The following SRPK3 variants were observed in gnomAD, a reference collection of about 807,000 sequenced individuals.
The protein encoded by SRPK3 is SFRS protein kinase 3.
A neutral mutation model predicts 45.3 loss-of-function variants in SRPK3; 26 were observed. The observed-to-expected ratio is 0.57, with a 90% CI of 0.42 to 0.80. The LOEUF (loss-of-function observed/expected upper bound fraction) is 0.80, where lower values mean the gene tolerates loss of function less well. SRPK3 is among the 30% of genes least tolerant of loss of function. SRPK3 has a pLI of 0.00. For missense variants in SRPK3, 536 were observed against 514.5 expected (o/e 1.04, Z -0.40); for synonymous variants, 254 against 226.6 (o/e 1.12, Z -1.09).
intron 5 of SRPK3, 67 bp from the exon 6 acceptor site, chrX:153,782,704 CT>C (rs1557067300): frequency 9.3e-7 from 1 of 1,073,311 alleles, no homozygotes; most frequent in Non-Finnish European, 1.3e-6. Flanking sequence ...TGCTGCTCCC[CT>C]AGCTGAGGGT....
Position 153,784,373 on chromosome X carries a change from C to T in SRPK3, c.1227C>T (p.Asp409=). 4 of 1,210,058 alleles carry T rather than the reference C, an allele frequency of 3.3e-6. No homozygotes were observed. The highest frequency in any genetic ancestry group is 3.0e-5 in the East Asian group (1 of 33,770). Residue 409 remains aspartate (D), a synonymous_variant, in exon 11 of 15, where the codon GAC becomes GAT. Coordinates refer to ENST00000370101, the MANE Select transcript of SRPK3 (RefSeq NM_014370.4). ...ATAAGATCAAGATCAAGATCGCAGA[C>T]CTGGGCAACGCCTGCTGGGTGGTAT... is the stretch of plus-strand genomic sequence containing the variant. ...NADKIKIKIA[D]LGNACWVHKH... is the part of the protein sequence containing the mutation.
At chrX:153,782,265 G>A (rs1483082994) in intron 5 of SRPK3, 57 bp downstream of exon 5, 12 of 1,019,215 alleles carry the variant, frequency 1.2e-5, no homozygotes, top group Admixed American at 2.2e-5. Flanking sequence ...CAAATGGGGG[G>A]GCCCTCGCTG....
Position 153,781,542 on chromosome X carries a change from T to C in SRPK3, c.228T>C (p.Asn76=), listed in dbSNP as rs782443471. 3 of 1,209,235 alleles carry C rather than the reference T, an allele frequency of 2.5e-6. No individual in the cohort carries two copies. Among genetic ancestry groups the C allele is most frequent in the South Asian group, 1.8e-5 (1 of 56,849 alleles). The change falls in exon 3 of 15, where the codon AAT becomes AAC. Residue 76 remains asparagine (N), a synonymous_variant. Transcript: ENST00000370101. ...YHPVKIGDVF[N]GRYHVVRKLG... The stretch of plus-strand genomic sequence containing the variant: ...CTGTGAAGATCGGCGACGTGTTCAA[T>C]GGGCGGTACCACGTGGTGCGCAAAC...
intron 5 of SRPK3, among the ~76,000 whole-genome samples, 156 bp from the exon 6 acceptor site, chrX:153,782,616 G>A (rs995766561): frequency 4.4e-4 from 50 of 113,325 alleles, no homozygotes; most frequent in African/African-American, 1.6e-3. Context: ...GGACACTATC[G>A]ATGATGACAC....
chrX:153,783,872 A>C lies in SRPK3; in HGVS notation c.895A>C (p.Thr299Pro). Reference protein sequence around the residue: ...LQRLEAMEAATQAEDSGLRLD... With the variant: ...LQRLEAMEAAPQAEDSGLRLD... ...GAGGCTGGAGGCCATGGAGGCTGCC[A>C]CCCAGGCTGAGGGTGAGGGGCCACA... The change falls in exon 9 of 15, where the codon ACC becomes CCC. Residue 299 changes from threonine (T) to proline (P), a missense_variant. Physicochemically the swap from Thr to Pro is conservative, Grantham distance 38. Transcript: ENST00000370101. 2 of 1,190,257 alleles carry C rather than the reference A, an allele frequency of 1.7e-6. No homozygotes were observed. The highest frequency in any genetic ancestry group is 2.3e-6 in the Non-Finnish European group (2 of 885,385).
In SRPK3 at chrX:153,784,101, C is replaced by T. The variant is rs1214143566; in HGVS notation, c.1035C>T (p.Ser345=). ...SPAPGGGRSL[S]AGSQTSGFSG... ...CCCCAGGGGGCGGCCGTAGCCTCAG[C>T]GCGGGCTCACAGACCTCAGGCTTCT... The change falls in exon 10 of 15, where the codon AGC becomes AGT. Residue 345 remains serine, a synonymous_variant. Transcript: ENST00000370101. 8.3e-6 allele frequency: 10 copies of T among 1,209,414 alleles called. No individual in the cohort carries two copies. The highest frequency in any genetic ancestry group is 3.5e-5 in the African/African-American group (2 of 57,437).
At chrX:153,782,682 C>G (rs1229673047) in intron 5 of SRPK3, 90 bp from the exon 6 acceptor site, 1 of 930,729 alleles carries the variant, frequency 1.1e-6, no homozygotes, top group Non-Finnish European at 1.5e-6. Flanking sequence ...CACCTCCACA[C>G]GGCCCAAGCC....
At chrX:153,783,534 C>G (rs1203517187) in intron 8 of SRPK3, among the ~76,000 whole-genome samples, 1 of 112,867 alleles carries the variant, frequency 8.9e-6, no homozygotes, top group Non-Finnish European at 1.9e-5. Context: ...GCCAGGTCTT[C>G]CCACTCCTAA....
At chrX:153,781,415 C>T in intron 2 of SRPK3, 69 bp downstream of exon 2, 1 of 1,173,455 alleles carries the variant, frequency 8.5e-7, no homozygotes, top group Non-Finnish European at 1.1e-6. Flanking sequence ...CCTGGGCCCA[C>T]ATGGGCCAGA....
At chrX:153,781,930 GC>G in intron 4 of SRPK3, 100 bp downstream of exon 4, 1 of 1,015,225 alleles carries the variant, frequency 9.9e-7, no homozygotes, top group Non-Finnish European at 1.4e-6. Context: ...GCAGGGCGGG[GC>G]TCCCTGAGGG....
rs374061005 is a variant in SRPK3, at chrX:153,781,207, C to T, written c.60-9C>T. 429 of 1,204,085 alleles carry T rather than the reference C, an allele frequency of 3.6e-4. No individual in the cohort carries two copies. The highest frequency in any genetic ancestry group is 4.4e-4 in the Non-Finnish European group (397 of 892,483). ...CTCTCATGCCCACTGCCACTCACCC[C>T]ACCCGCAGCTCACAGGCCTCCTGCG... On this transcript the variant is annotated splice_polypyrimidine_tract_variant and intron_variant, in intron 1 of 14. Transcript: ENST00000370101.
rs782351212 is a variant in SRPK3 at position 153,784,797 on chromosome X, C to T, written c.1296C>T (p.Val432=). The T allele has an allele frequency of 8.3e-6, 10 of 1,210,635 alleles. No homozygotes were observed. Among genetic ancestry groups the T allele is most frequent in the African/African-American group, 6.9e-5 (4 of 57,720 alleles). ...EDIQTRQYRA[V]EVLIGAEYGP... is the part of the protein sequence containing the mutation. Reference sequence around the variant, plus strand: ...TCCAGACTCGGCAGTACCGGGCCGTCGAGGTGCTGATCGGCGCCGAATACG... The same window carrying T: ...TCCAGACTCGGCAGTACCGGGCCGTTGAGGTGCTGATCGGCGCCGAATACG... The change falls in exon 12 of 15, where the codon GTC becomes GTT. Residue 432 remains valine (V), a synonymous_variant. Coordinates refer to ENST00000370101, the MANE Select transcript of SRPK3 (RefSeq NM_014370.4).
At chrX:153,783,184 T>A in intron 7 of SRPK3, 42 bp from the exon 8 acceptor site, 2 of 1,061,071 alleles carry the variant, frequency 1.9e-6, no homozygotes, top group Non-Finnish European at 2.5e-6. Context: ...GAGTCTCTGT[T>A]CCTCCCTGTC....
Position 153,785,380 on chromosome X carries a change from G to A in SRPK3, c.1564G>A (p.Glu522Lys), listed in dbSNP as rs917425133. 7.4e-6 allele frequency: 9 copies of A among 1,209,476 alleles called. No individual in the cohort carries two copies. In the Admixed American group the frequency reaches 8.7e-5, roughly 12 times the overall value. ...CAATCTCAAGCACTGGGGCCTGTACGAGGTACTCATGGAAAAGTACGAGTG... is the reference window on the plus strand; with the variant it reads ...CAATCTCAAGCACTGGGGCCTGTACAAGGTACTCATGGAAAAGTACGAGTG... Reference protein sequence around the residue: ...IHNLKHWGLYEVLMEKYEWPL... With the variant: ...IHNLKHWGLYKVLMEKYEWPL... Residue 522 changes from glutamate to lysine, a missense_variant, in exon 15 of 15, where the codon GAG becomes AAG. Physicochemically the swap from Glu to Lys is moderately conservative, Grantham distance 56. Transcript: ENST00000370101.
At position 153,783,211 on chromosome X, in the gene SRPK3, C is replaced by T; in HGVS notation, c.749-15C>T. 8.7e-7 allele frequency: 1 copy of T among 1,147,563 alleles called. No individual in the cohort carries two copies. The highest frequency in any genetic ancestry group is 3.0e-5 in the East Asian group (1 of 33,334). 94.6% of individuals were successfully genotyped at this position (1,147,563 alleles called of 1,213,427 possible). ...CTCCCTGTCCCCCCCCACCGCTCCC[C>T]ACCTGCACTCCCAGTCAGCACTGCC... On this transcript the variant is annotated splice_polypyrimidine_tract_variant and intron_variant, in intron 7 of 14. Transcript: ENST00000370101.
At chrX:153,785,297 G>A in intron 14 of SRPK3, 39 bp from the exon 15 acceptor site, 1 of 1,195,581 alleles carries the variant, frequency 8.4e-7, no homozygotes. Context: ...CAGGTCCAGA[G>A]ACAGGGACAG....
chrX:153,782,502 G>A (rs1330041973), intron 5 of SRPK3, among the ~76,000 whole-genome samples: 2 of 113,747 alleles, frequency 1.8e-5, no homozygotes, highest in Non-Finnish European at 3.7e-5. Flanking sequence ...ACTAGCATGG[G>A]AGTGGGCTGG....
chrX:153,782,391 C>T (rs1408567370), intron 5 of SRPK3, among the ~76,000 whole-genome samples, 183 bp downstream of exon 5: 2 of 112,875 alleles, frequency 1.8e-5, no homozygotes, highest in African/African-American at 6.4e-5. Context: ...AACAAGCTAG[C>T]GTTGATTGTC....
In SRPK3 at chrX:153,781,341, G is replaced by C. The variant is rs141763936; in HGVS notation, c.185G>C (p.Cys62Ser). 4.2e-6 allele frequency: 5 copies of C among 1,194,208 alleles called. No individual in the cohort carries two copies. The highest frequency in any genetic ancestry group is 4.5e-5 in the Admixed American group (2 of 44,584). The change falls in exon 2 of 15, where the codon TGC (cysteine) becomes TCC (serine). Residue 62 changes from cysteine (C) to serine (S), a missense_variant. Cys to Ser is a moderately radical substitution (Grantham distance 112). Transcript: ENST00000370101. ...GAACAGGAAGACCCCAAAGACTACTGCAAGGGTGAGACTTGGCCTTGGGGA... is the reference window on the plus strand; with the variant it reads ...GAACAGGAAGACCCCAAAGACTACTCCAAGGGTGAGACTTGGCCTTGGGGA... Reference protein sequence around the residue: ...DEEQEDPKDYCKGGYHPVKIG... With the variant: ...DEEQEDPKDYSKGGYHPVKIG...
Sources: gnomAD v4.1 joint callset for allele counts (sites outside exome capture counted in the v4.1 genomes callset) on GRCh38, gnomAD v4.1.1 for gene constraint, MANE v1.5 for transcripts, NCBI Gene and HGNC (gene_info 2026-07-23, HGNC 2026-07-21) for gene names.